The following ARL3 variants were observed in gnomAD, a reference collection of about 807,000 sequenced individuals.
ARL3 encodes ARF like GTPase 3, also known as ADP-ribosylation factor-like protein 3.
A neutral mutation model predicts 26.0 loss-of-function variants in ARL3; 9 were observed. The ratio of observed to expected loss-of-function variants is 0.35; its 90% CI spans 0.21 to 0.60. The LOEUF is 0.60. Ranked by LOEUF, ARL3 falls within the 20% of genes least tolerant of loss-of-function variation. The probability of loss-of-function intolerance (pLI) is 0.78; values close to 1 mark genes in which losing one functional copy is unlikely to be tolerated. For synonymous variants in ARL3, 71 were observed against 78.4 expected, an observed-to-expected ratio of 0.91 and a Z score of 0.50; for missense variants, 158 against 215.7, an observed-to-expected ratio of 0.73 and a Z score of 1.67.
At chr10:102,691,617 A>C (rs2064217990) in intron 3 of ARL3, among the ~76,000 whole-genome samples, 1 of 152,046 alleles carries the variant, frequency 6.6e-6, no homozygotes, top group Non-Finnish European at 1.5e-5. Context: ...TGTAAAAACC[A>C]CTCCTAGCTT....
At chr10:102,692,368 C>A (rs1406765804) in intron 3 of ARL3, among the ~76,000 whole-genome samples, 1 of 152,232 alleles carries the variant, frequency 6.6e-6, no homozygotes, top group East Asian at 1.9e-4. Context: ...TTTCCTAACT[C>A]ATGATTGAAA....
intron 5 of ARL3, among the ~76,000 whole-genome samples, 186 bp downstream of exon 5, chr10:102,685,630 C>T (rs2064179842): frequency 6.6e-6 from 1 of 152,162 alleles, no homozygotes; most frequent in African/African-American, 2.4e-5. Flanking sequence ...GGGTGGCTTA[C>T]CTGGGGCACT....
chr10:102,682,735 T>G (rs1359005550), intron 5 of ARL3, among the ~76,000 whole-genome samples: 1 of 152,244 alleles, frequency 6.6e-6, no homozygotes, highest in Non-Finnish European at 1.5e-5. Context: ...TGATTAAACA[T>G]GTACGATGTA....
chr10:102,680,868 C>A (rs1271459362), intron 5 of ARL3, among the ~76,000 whole-genome samples: 2 of 152,112 alleles, frequency 1.3e-5, no homozygotes, highest in Admixed American at 1.3e-4. Flanking sequence ...GATGCTGCTT[C>A]CATCAAATAT....
rs1399742346 is a variant in ARL3 at position 102,674,866 on chromosome 10, G to C, written c.*2028C>G. On this transcript the variant is annotated 3_prime_UTR_variant, in exon 6 of 6. Coordinates refer to ENST00000260746, the MANE Select transcript of ARL3 (RefSeq NM_004311.4). ...TCAGAGGAGTGGCTTCTGCCTGCTA[G>C]GAGAGGCCTTGGGATGGCTCTTTAA... The C allele has an allele frequency of 6.6e-6, 1 of 152,122 alleles. No individual in the cohort carries two copies. The highest frequency in any genetic ancestry group is 2.4e-5 in the African/African-American group (1 of 41,396). The allele number at this position is 152,122 out of a possible 1,614,324, so 9.4% of individuals were successfully genotyped here.
At chr10:102,690,095 C>A (rs2064208845) in intron 3 of ARL3, 152 bp from the exon 4 acceptor site, 1 of 468,742 alleles carries the variant, frequency 2.1e-6, no homozygotes, top group African/African-American at 2.0e-5. Context: ...TTTATGAAGG[C>A]CAAACAAACA....
intron 5 of ARL3, among the ~76,000 whole-genome samples, chr10:102,685,280 C>T (rs978172519): frequency 3.5e-5 from 5 of 143,264 alleles, no homozygotes; most frequent in African/African-American, 1.3e-4. Context: ...TTAGGGGGAG[C>T]CTGCTTTTCC....
intron 1 of ARL3, among the ~76,000 whole-genome samples, chr10:102,708,702 C>T (rs1269551574): frequency 6.6e-6 from 1 of 151,302 alleles, no homozygotes; most frequent in Non-Finnish European, 1.5e-5. Context: ...ACTAAAAATA[C>T]AAAATTAGCC....
chr10:102,677,076 C>T, intron 5 of ARL3, 135 bp from the exon 6 acceptor site: 1 of 943,774 alleles, frequency 1.1e-6, no homozygotes, highest in Non-Finnish European at 1.6e-6. Context: ...TTGCTTGGCT[C>T]AGGGGCCCAC....
At chr10:102,710,632 G>A (rs539738029) in intron 1 of ARL3, among the ~76,000 whole-genome samples, 1 of 152,070 alleles carries the variant, frequency 6.6e-6, no homozygotes, top group South Asian at 2.1e-4. Flanking sequence ...GAGCAAAACG[G>A]GCATGATCTC....
At chr10:102,708,105 G>A (rs1252967408) in intron 1 of ARL3, among the ~76,000 whole-genome samples, 1 of 151,932 alleles carries the variant, frequency 6.6e-6, no homozygotes, top group African/African-American at 2.4e-5. Flanking sequence ...GTAGAGATGG[G>A]GTTTTGCCAT....
chr10:102,681,135 C>G (rs2064154198), intron 5 of ARL3, among the ~76,000 whole-genome samples: 1 of 152,128 alleles, frequency 6.6e-6, no homozygotes, highest in Admixed American at 6.5e-5. Context: ...CGCCTGTAAT[C>G]CCAGCACTTT....
At chr10:102,713,150 T>G (rs2136013613) in intron 1 of ARL3, among the ~76,000 whole-genome samples, 1 of 150,072 alleles carries the variant, frequency 6.7e-6, no homozygotes, top group East Asian at 2.0e-4. Context: ...AGAAAGGAAC[T>G]AGGAAGAGAG....
chr10:102,687,719 GT>G (rs1192735327), intron 4 of ARL3, among the ~76,000 whole-genome samples: 1 of 151,724 alleles, frequency 6.6e-6, no homozygotes, highest in Non-Finnish European at 1.5e-5. Context: ...TAGAGACAGG[GT>G]TTTGATATAT....
At chr10:102,704,477 A>G (rs1034300209) in intron 2 of ARL3, among the ~76,000 whole-genome samples, 5 of 151,960 alleles carry the variant, frequency 3.3e-5, no homozygotes, top group Non-Finnish European at 5.9e-5. Context: ...TGGCTCTACA[A>G]AAAAATACAA....
intron 4 of ARL3, among the ~76,000 whole-genome samples, chr10:102,689,666 T>TA (rs1232267771): frequency 6.6e-6 from 1 of 151,930 alleles, no homozygotes; most frequent in Non-Finnish European, 1.5e-5. Context: ...ACCCTCTCTC[T>TA]ACTAAAAATA....
chr10:102,709,146 T>C (rs2064325455), intron 1 of ARL3, among the ~76,000 whole-genome samples: 1 of 151,764 alleles, frequency 6.6e-6, no homozygotes, highest in Non-Finnish European at 1.5e-5. Flanking sequence ...CCTTAGGCAA[T>C]CTGCCCGTGA....
intron 3 of ARL3, among the ~76,000 whole-genome samples, chr10:102,696,411 C>T (rs2064248308): frequency 1.3e-5 from 2 of 151,114 alleles, no homozygotes; most frequent in Admixed American, 1.3e-4. Flanking sequence ...ATTACAGGCG[C>T]CCACCACCAC....
chr10:102,691,930 C>T (rs1157473735), intron 3 of ARL3, among the ~76,000 whole-genome samples: 1 of 152,220 alleles, frequency 6.6e-6, no homozygotes, highest in Admixed American at 6.5e-5. Context: ...CCCAGGGACT[C>T]AGTTCCTCCC....
Sources: gnomAD v4.1 joint callset for allele counts (sites outside exome capture counted in the v4.1 genomes callset) on GRCh38, gnomAD v4.1.1 for gene constraint, MANE v1.5 for transcripts, NCBI Gene and HGNC (gene_info 2026-07-23, HGNC 2026-07-21) for gene names.